CCDC126: variants seen among roughly 807,000 people sequenced by gnomAD.
CCDC126 encodes coiled-coil domain containing 126, also known as coiled-coil domain-containing protein 126.
CCDC126 carries 5 observed loss-of-function variants against 11.7 expected under a neutral mutation model. The observed-to-expected ratio is 0.43, with a 90% CI of 0.22 to 0.90. CCDC126 has a LOEUF of 0.90. CCDC126 is among the 40% of genes least tolerant of loss of function. The pLI is 0.27. For missense variants in CCDC126, 150 were observed against 163.1 expected (o/e 0.92, Z 0.44); for synonymous variants, 60 against 61.9 (o/e 0.97, Z 0.14).
intron 2 of CCDC126, among the ~76,000 whole-genome samples, chr7:23,606,085 G>T (rs547165369): frequency 1.3e-5 from 2 of 151,934 alleles, no homozygotes; most frequent in Admixed American, 6.6e-5. Flanking sequence ...TTGAGACCGA[G>T]TCTTGCTCTG....
intron 3 of CCDC126, among the ~76,000 whole-genome samples, chr7:23,636,026 C>T (rs867215164): frequency 6.6e-6 from 1 of 152,040 alleles, no homozygotes; most frequent in Non-Finnish European, 1.5e-5. Flanking sequence ...CCACGCCTGA[C>T]TGGTTTTCGT....
At chr7:23,633,284 G>A (rs953546654) in intron 3 of CCDC126, among the ~76,000 whole-genome samples, 1 of 152,188 alleles carries the variant, frequency 6.6e-6, no homozygotes, top group Non-Finnish European at 1.5e-5. Context: ...GAGCCACTGT[G>A]CCCGGCCCTG....
At chr7:23,639,296 GTTC>G (rs572233923) in intron 3 of CCDC126, among the ~76,000 whole-genome samples, 150 of 151,380 alleles carry the variant, frequency 9.9e-4, no homozygotes, top group Middle Eastern at 3.4e-3. Flanking sequence ...AGTTCAAGCA[GTTC>G]TTCTGCTTCA....
At chr7:23,620,739 T>C (rs1391903499) in intron 3 of CCDC126, among the ~76,000 whole-genome samples, 1 of 152,260 alleles carries the variant, frequency 6.6e-6, no homozygotes, top group African/African-American at 2.4e-5. Context: ...TTAATCCATC[T>C]TGAATTAATT....
intron 2 of CCDC126, among the ~76,000 whole-genome samples, chr7:23,601,716 A>G (rs1187607484): frequency 6.6e-6 from 1 of 152,098 alleles, no homozygotes; most frequent in African/African-American, 2.4e-5. Context: ...TTAATTAATT[A>G]ATTAAATTTT....
At chr7:23,599,315 C>G (rs940336867) in intron 2 of CCDC126, among the ~76,000 whole-genome samples, 7 of 152,106 alleles carry the variant, frequency 4.6e-5, no homozygotes, top group African/African-American at 1.7e-4. Flanking sequence ...CTCCTTCTGC[C>G]AACTGCCTGG....
intron 3 of CCDC126, among the ~76,000 whole-genome samples, chr7:23,628,139 A>G (rs1783045763): frequency 6.6e-6 from 1 of 152,210 alleles, no homozygotes; most frequent in Non-Finnish European, 1.5e-5. Context: ...AGTTTTAAAA[A>G]TTTCTCACAC....
chr7:23,632,909 T>TAGGC (rs1345353884), intron 3 of CCDC126, among the ~76,000 whole-genome samples: 2 of 152,250 alleles, frequency 1.3e-5, no homozygotes, highest in African/African-American at 4.8e-5. Context: ...TAGGAAAAAT[T>TAGGC]AGGCTTATTT....
At chr7:23,632,175 C>T (rs929407407) in intron 3 of CCDC126, among the ~76,000 whole-genome samples, 4 of 147,034 alleles carry the variant, frequency 2.7e-5, no homozygotes, top group Non-Finnish European at 5.9e-5. Context: ...CTCACTGAAA[C>T]CTCTGCCTCC....
At chr7:23,642,762 C>CAA (rs1178284907) in intron 3 of CCDC126, among the ~76,000 whole-genome samples, 169 bp from the exon 4 acceptor site, 4 of 129,366 alleles carry the variant, frequency 3.1e-5, no homozygotes, top group Non-Finnish European at 3.3e-5. Flanking sequence ...AACTCCATCT[C>CAA]AAAAAAAAAA....
At chr7:23,610,484 G>A (rs112814936) in intron 2 of CCDC126, among the ~76,000 whole-genome samples, 78 of 152,300 alleles carry the variant, frequency 5.1e-4, no homozygotes, top group African/African-American at 1.9e-3. Flanking sequence ...AAAGTGTTGG[G>A]CTTACAAGTG....
rs186153576 is a variant in CCDC126 at position 23,641,337 on chromosome 7, C to T, written c.239-1594C>T. ...AGAGTATCTATTCAAGTCCTTTGCCCATTTTAAAAATTGATTTATCTTTTT... is the reference window on the plus strand; with the variant it reads ...AGAGTATCTATTCAAGTCCTTTGCCTATTTTAAAAATTGATTTATCTTTTT... On this transcript the variant is annotated intron_variant, in intron 3 of 3. Coordinates refer to ENST00000307471, the MANE Select transcript of CCDC126 (RefSeq NM_138771.4). Among the ~76,000 whole-genome samples, 213 of 152,188 alleles carry T rather than the reference C, an allele frequency of 1.4e-3. No individual in the cohort carries two copies. The South Asian group carries it at 0.015, about 10-fold the overall frequency.
At chr7:23,598,777 T>C (rs1283844435) in intron 2 of CCDC126, among the ~76,000 whole-genome samples, 2 of 152,244 alleles carry the variant, frequency 1.3e-5, no homozygotes, top group African/African-American at 4.8e-5. Flanking sequence ...TTTAGTGCAG[T>C]GTAGGACAGA....
chr7:23,612,292 G>A lies in CCDC126; in HGVS notation c.238+739G>A, dbSNP rs531465241. 1.3e-4 allele frequency among the ~76,000 whole-genome samples: 19 copies of A among 150,638 alleles called. No individual in the cohort carries two copies. The East Asian group carries it at 2.4e-3, about 19-fold the overall frequency. On this transcript the variant is annotated intron_variant, in intron 3 of 3. Coordinates refer to ENST00000307471, the MANE Select transcript of CCDC126 (RefSeq NM_138771.4). ...GTAGCCTAGGCAACATAGTGAGACC[G>A]CTACTAAAAATACAAACAAAAAATC... is the stretch of plus-strand genomic sequence containing the variant.
At chr7:23,640,497 CA>C (rs35379861) in intron 3 of CCDC126, among the ~76,000 whole-genome samples, 12 of 147,352 alleles carry the variant, frequency 8.1e-5, no homozygotes, top group East Asian at 2.0e-4. Context: ...AACTCTGTCT[CA>C]AAAAAAAAAA....
At chr7:23,600,210 ATTGTC>A (rs1782512524) in intron 2 of CCDC126, among the ~76,000 whole-genome samples, 2 of 151,980 alleles carry the variant, frequency 1.3e-5, no homozygotes. Flanking sequence ...ATTCAGTGCT[ATTGTC>A]TTCTATTCTG....
chr7:23,623,488 G>C (rs1475450937), intron 3 of CCDC126, among the ~76,000 whole-genome samples: 4 of 151,748 alleles, frequency 2.6e-5, no homozygotes, highest in Non-Finnish European at 5.9e-5. Context: ...CCCTGCTGCT[G>C]TGGAGGCTGA....
chr7:23,619,793 C>T (rs1782859344), intron 3 of CCDC126, among the ~76,000 whole-genome samples: 1 of 142,334 alleles, frequency 7.0e-6, no homozygotes, highest in South Asian at 2.2e-4. Flanking sequence ...CTAGTGTTCT[C>T]ATTGTTCAGT....
At chr7:23,636,446 A>T (rs1461030529) in intron 3 of CCDC126, among the ~76,000 whole-genome samples, 3 of 141,374 alleles carry the variant, frequency 2.1e-5, no homozygotes, top group Non-Finnish European at 4.6e-5. Context: ...CATCCCATCT[A>T]GGAAGTGAGG....
Sources: gnomAD v4.1 joint callset for allele counts (sites outside exome capture counted in the v4.1 genomes callset) on GRCh38, gnomAD v4.1.1 for gene constraint, MANE v1.5 for transcripts, NCBI Gene and HGNC (gene_info 2026-07-23, HGNC 2026-07-21) for gene names.